MAP7D2: variants seen among roughly 807,000 people sequenced by gnomAD.
MAP7D2 encodes the protein MAP7 domain containing 2, also known as MAP7 domain-containing protein 2.
In MAP7D2, 33 loss-of-function variants were observed where a neutral mutation model predicts 63.5. That is an observed-to-expected ratio of 0.52 (90% CI 0.39 to 0.70). The LOEUF is 0.70. MAP7D2 is among the 30% of genes least tolerant of loss of function. The pLI is 0.00. For missense variants in MAP7D2, 626 were observed against 604.0 expected (o/e 1.04, Z -0.38); for synonymous variants, 224 against 223.7 (o/e 1.00, Z -0.01).
At chrX:20,046,747 A>G (rs1214910841) in intron 6 of MAP7D2, among the ~76,000 whole-genome samples, 1 of 112,822 alleles carries the variant, frequency 8.9e-6, no homozygotes, top group Non-Finnish European at 1.9e-5. Context: ...TTTCTGGTTA[A>G]GTTGGATAAA....
At chrX:20,088,591 T>C (rs1187809775) in intron 1 of MAP7D2, among the ~76,000 whole-genome samples, 1 of 102,609 alleles carries the variant, frequency 9.7e-6, no homozygotes, top group Admixed American at 1.1e-4. Context: ...TCCCAAAGTG[T>C]TGGGATTACA....
intron 1 of MAP7D2, among the ~76,000 whole-genome samples, chrX:20,096,952 T>C (rs1156926975): frequency 8.9e-6 from 1 of 111,858 alleles, no homozygotes; most frequent in Non-Finnish European, 1.9e-5. Context: ...GTTGATGAGA[T>C]TTAAAGCTTA....
chrX:20,111,189 C>T lies in MAP7D2; in HGVS notation c.130+5561G>A, dbSNP rs367988580. The stretch of plus-strand genomic sequence containing the variant: ...ACCAGCATGAGGGACTCCAGGTGAC[C>T]CCAAATGGAGCAGCAGAACTTCTCC... On this transcript the variant is annotated intron_variant, in intron 1 of 16. Coordinates refer to ENST00000379643, the MANE Select transcript of MAP7D2 (RefSeq NM_001168465.2). Among the ~76,000 whole-genome samples, 97 of 111,468 alleles carry T rather than the reference C, an allele frequency of 8.7e-4. 1 individual carries two copies. Among genetic ancestry groups the T allele is most frequent in the African/African-American group, 3.1e-3 (94 of 30,668 alleles).
chrX:20,063,300 G>A, intron 3 of MAP7D2, 114 bp downstream of exon 3: 1 of 811,174 alleles, frequency 1.2e-6, no homozygotes, highest in Non-Finnish European at 1.7e-6. Context: ...AGCCACCAAG[G>A]AGAAGGTGCA....
chrX:20,025,961 C>A lies in MAP7D2; in HGVS notation c.1008-9G>T, dbSNP rs201055803. ...AAGCTTTAGTAGCTGTCCTGGAAAA[C>A]AAAAAATATGCCAGAGGATGATTAC... is the stretch of plus-strand genomic sequence containing the variant. On this transcript the variant is annotated splice_polypyrimidine_tract_variant and intron_variant, in intron 8 of 16. Coordinates refer to ENST00000379643, the MANE Select transcript of MAP7D2 (RefSeq NM_001168465.2). 1.8e-4 allele frequency: 219 copies of A among 1,202,502 alleles called. No homozygotes were observed. The African/African-American group carries it at 2.8e-3, about 15-fold the overall frequency.
At chrX:20,087,124 G>A (rs904161315) in intron 1 of MAP7D2, among the ~76,000 whole-genome samples, 5 of 112,061 alleles carry the variant, frequency 4.5e-5, no homozygotes, top group African/African-American at 1.6e-4. Flanking sequence ...GAGGTGAAAG[G>A]CAAGGCCTTG....
intron 1 of MAP7D2, among the ~76,000 whole-genome samples, chrX:20,094,531 T>TTTTTTG (rs2066181018): frequency 6.1e-5 from 1 of 16,279 alleles, no homozygotes; most frequent in African/African-American, 4.5e-4. Context: ...TATATATATA[T>TTTTTTG]ATATATATAT....
chrX:20,025,873 G>A lies in MAP7D2; in HGVS notation c.1087C>T (p.Pro363Ser), dbSNP rs1020272557. ...GGCATGTCTTGGCCAGAAAGGGCAG[G>A]TAAGCGGTACTTCACAGGAGACCCT... The part of the protein sequence containing the change: ...YPGSPVKYRL[P>S]ALSGQDMPKR... Residue 363 changes from proline to serine, a missense_variant, in exon 9 of 17, where the codon CCT (proline) becomes TCT (serine). Transcript: ENST00000379643. 2 of 1,209,918 alleles carry A rather than the reference G, an allele frequency of 1.7e-6. No homozygotes were observed. Among genetic ancestry groups the A allele is most frequent in the African/African-American group, 3.5e-5 (2 of 57,116 alleles).
intron 8 of MAP7D2, among the ~76,000 whole-genome samples, chrX:20,036,528 C>T (rs1198414410): frequency 5.6e-5 from 6 of 106,961 alleles, no homozygotes; most frequent in Admixed American, 2.0e-4. Flanking sequence ...AGGTGTGAGC[C>T]ACCGCGCCTG....
intron 5 of MAP7D2, chrX:20,052,446 C>A: frequency 7.4e-6 from 2 of 270,991 alleles, no homozygotes. Flanking sequence ...CAGATGACTG[C>A]AGAACCCCAT....
chrX:20,050,700 C>T, intron 6 of MAP7D2, 124 bp downstream of exon 6: 4 of 780,665 alleles, frequency 5.1e-6, no homozygotes, highest in Non-Finnish European at 5.2e-6. Flanking sequence ...CGTTATTAAC[C>T]AATGAAGACT....
chrX:20,009,952 G>A (rs989556256), intron 16 of MAP7D2, among the ~76,000 whole-genome samples: 6 of 111,778 alleles, frequency 5.4e-5, no homozygotes, highest in Non-Finnish European at 1.1e-4. Context: ...CTGTGATTGC[G>A]CCACTGCACA....
chrX:20,034,150 G>A (rs2074133926), intron 8 of MAP7D2, among the ~76,000 whole-genome samples: 1 of 96,616 alleles, frequency 1.0e-5, no homozygotes, highest in African/African-American at 4.0e-5. Context: ...GCTTGAACCT[G>A]CCAGGCAAAG....
At chrX:20,075,637 C>T (rs990099429) in intron 1 of MAP7D2, among the ~76,000 whole-genome samples, 3 of 111,160 alleles carry the variant, frequency 2.7e-5, no homozygotes, top group Non-Finnish European at 5.7e-5. Context: ...AGCCAGAGGA[C>T]GAGGCAAAAA....
chrX:20,051,554 A>C (rs2064949732), intron 5 of MAP7D2, among the ~76,000 whole-genome samples: 1 of 108,927 alleles, frequency 9.2e-6, no homozygotes, highest in African/African-American at 3.3e-5. Flanking sequence ...TCAAAAAAAA[A>C]ACAAACAAAA....
At chrX:20,109,044 A>G (rs2066653741) in intron 1 of MAP7D2, among the ~76,000 whole-genome samples, 1 of 109,545 alleles carries the variant, frequency 9.1e-6, no homozygotes, top group South Asian at 3.9e-4. Context: ...TGAGATCCCC[A>G]TCGCCTTTGG....
intron 10 of MAP7D2, chrX:20,021,559 G>C (rs1193019328): frequency 2.7e-5 from 3 of 111,512 alleles, no homozygotes; most frequent in Non-Finnish European, 5.6e-5. Flanking sequence ...TCTGGCAAGA[G>C]AGAGGAAAAC....
intron 1 of MAP7D2, among the ~76,000 whole-genome samples, chrX:20,114,026 G>T (rs2066821672): frequency 9.0e-6 from 1 of 110,760 alleles, no homozygotes; most frequent in Non-Finnish European, 1.9e-5. Context: ...CTATCTCCAG[G>T]CCCCACCCTA....
chrX:20,063,286 T>C, intron 3 of MAP7D2, 128 bp downstream of exon 3: 3 of 674,003 alleles, frequency 4.5e-6, no homozygotes, highest in East Asian at 3.5e-5. Flanking sequence ...AAAGAAGGCA[T>C]GGGAGCCACC....
Sources: allele counts gnomAD v4.1 joint callset (sites outside exome capture counted in the v4.1 genomes callset), GRCh38; gene constraint gnomAD v4.1.1; transcripts MANE v1.5; gene names NCBI Gene and HGNC (gene_info 2026-07-23, HGNC 2026-07-21).